PRDM6: variants seen among roughly 807,000 people sequenced by gnomAD.
The protein encoded by PRDM6 is PR/SET domain 6, also known as putative histone-lysine N-methyltransferase PRDM6.
PRDM6 carries 25 observed loss-of-function variants against 60.8 expected under a neutral mutation model. The ratio of observed to expected loss-of-function variants is 0.41; its 90% CI spans 0.30 to 0.57. PRDM6 has a LOEUF of 0.57. Among genes scored for constraint, PRDM6 ranks in the 20% least tolerant of loss-of-function variants. PRDM6 has a pLI of 0.27. For synonymous variants in PRDM6, 407 were observed against 357.4 expected (o/e 1.14, Z -1.57); for missense variants, 839 against 821.3 (o/e 1.02, Z -0.26).
intron 5 of PRDM6, 21 bp from the exon 6 acceptor site, chr5:123,170,745 A>C: frequency 1.3e-6 from 2 of 1,491,490 alleles, no homozygotes; most frequent in Non-Finnish European, 1.8e-6. Flanking sequence ...CTGTTCTTCT[A>C]AACTGTTGCT....
At chr5:123,093,035 G>A (rs1463172033) in intron 2 of PRDM6, among the ~76,000 whole-genome samples, 2 of 152,212 alleles carry the variant, frequency 1.3e-5, no homozygotes, top group African/African-American at 2.4e-5. Flanking sequence ...TCATTCTCGA[G>A]TTGTATGTGA....
intron 3 of PRDM6, among the ~76,000 whole-genome samples, chr5:123,131,073 AT>A (rs1292435880): frequency 2.0e-5 from 3 of 152,130 alleles, no homozygotes; most frequent in Non-Finnish European, 2.9e-5. Context: ...TACTTTTTTC[AT>A]TATATTAAAA....
intron 6 of PRDM6, among the ~76,000 whole-genome samples, chr5:123,179,064 G>A (rs966178020): frequency 4.6e-5 from 7 of 152,132 alleles, no homozygotes; most frequent in East Asian, 3.8e-4. Context: ...TCCTGTCAAG[G>A]AATGATATGA....
chr5:123,145,832 G>C (rs1765226076), intron 3 of PRDM6, among the ~76,000 whole-genome samples: 1 of 152,188 alleles, frequency 6.6e-6, no homozygotes, highest in South Asian at 2.1e-4. Flanking sequence ...GAATGTCGTA[G>C]ACTTAGGAAA....
intron 3 of PRDM6, among the ~76,000 whole-genome samples, chr5:123,124,206 T>C (rs1336934068): frequency 1.3e-5 from 2 of 152,218 alleles, no homozygotes; most frequent in Non-Finnish European, 2.9e-5. Flanking sequence ...CATATATGAC[T>C]GTTTATGTAG....
chr5:123,132,454 G>C (rs1764854673), intron 3 of PRDM6, among the ~76,000 whole-genome samples: 1 of 152,032 alleles, frequency 6.6e-6, no homozygotes, highest in African/African-American at 2.4e-5. Context: ...GAGAAGTTTT[G>C]AAATCTTGGA....
intron 2 of PRDM6, among the ~76,000 whole-genome samples, chr5:123,093,798 G>T (rs1349316949): frequency 6.6e-6 from 1 of 152,154 alleles, no homozygotes; most frequent in Non-Finnish European, 1.5e-5. Context: ...CACAGGGCGC[G>T]CCTGGCGTTT....
intron 3 of PRDM6, among the ~76,000 whole-genome samples, chr5:123,140,469 A>G (rs1033199680): frequency 3.3e-5 from 5 of 152,164 alleles, no homozygotes; most frequent in African/African-American, 1.2e-4. Context: ...CATCTTTGAA[A>G]GCAAAAATGT....
Position 123,170,852 on chromosome 5 carries a change from A to G in PRDM6, c.1240A>G (p.Thr414Ala). ...CAAAAGCAGCAAACTCGCCCCTACC[A>G]CCCAGCAGCGCTCCGTTGTTTTCCC... Reference protein sequence around the residue: ...FNKSSKLAPTTQQRSVVFPQT... With the variant: ...FNKSSKLAPTAQQRSVVFPQT... The change falls in exon 6 of 8, where the codon ACC (threonine) becomes GCC (alanine). Residue 414 changes from threonine to alanine, a missense_variant. Thr to Ala is a moderately conservative substitution (Grantham distance 58). Around this residue, in one of 2 missense-constraint regions of PRDM6, gnomAD observed 730 missense variants for 648.8 expected, o/e 1.13. Transcript: ENST00000407847. 6.4e-7 allele frequency: 1 copy of G among 1,552,138 alleles called. No homozygotes were observed. Among genetic ancestry groups the G allele is most frequent in the South Asian group, 1.2e-5 (1 of 84,038 alleles).
intron 5 of PRDM6, among the ~76,000 whole-genome samples, chr5:123,163,589 A>G (rs1186568236): frequency 2.6e-5 from 4 of 152,174 alleles, no homozygotes. Flanking sequence ...TAGAGCTCCA[A>G]AGAGAGTGCC....
chr5:123,108,759 A>G (rs1201164182), intron 3 of PRDM6, among the ~76,000 whole-genome samples: 1 of 152,174 alleles, frequency 6.6e-6, no homozygotes, highest in African/African-American at 2.4e-5. Context: ...AAGCAGTGGT[A>G]ACCATTGTTG....
chr5:123,096,785 A>C (rs1048831068), intron 2 of PRDM6, among the ~76,000 whole-genome samples: 1 of 152,256 alleles, frequency 6.6e-6, no homozygotes, highest in African/African-American at 2.4e-5. Flanking sequence ...TGAAACAATA[A>C]GTTGAAGACG....
At chr5:123,154,721 G>C (rs1038436346) in intron 3 of PRDM6, among the ~76,000 whole-genome samples, 11 of 152,122 alleles carry the variant, frequency 7.2e-5, no homozygotes, top group African/African-American at 2.7e-4. Flanking sequence ...TATTTGAAAA[G>C]GAAAATTGGA....
intron 6 of PRDM6, among the ~76,000 whole-genome samples, chr5:123,178,421 C>T (rs1177133601): frequency 6.6e-6 from 1 of 151,962 alleles, no homozygotes; most frequent in Non-Finnish European, 1.5e-5. Flanking sequence ...TTTCAGGAAC[C>T]CTTTCAAGTT....
intron 4 of PRDM6, among the ~76,000 whole-genome samples, chr5:123,156,919 T>C (rs1055185132): frequency 1.3e-5 from 2 of 152,298 alleles, no homozygotes; most frequent in African/African-American, 4.8e-5. Flanking sequence ...TATATAAATA[T>C]ATGACCTCAG....
intron 6 of PRDM6, among the ~76,000 whole-genome samples, chr5:123,179,665 T>C (rs1212286406): frequency 6.6e-6 from 1 of 151,674 alleles, no homozygotes; most frequent in African/African-American, 2.4e-5. Flanking sequence ...TCCTCAGTTT[T>C]CTGAACTAAC....
chr5:123,180,033 G>A (rs1766110747), intron 6 of PRDM6, 114 bp from the exon 7 acceptor site: 2 of 1,063,430 alleles, frequency 1.9e-6, no homozygotes, highest in Admixed American at 5.8e-5. Flanking sequence ...TCTATGCCCT[G>A]TCTTAGAAAC....
intron 6 of PRDM6, 59 bp from the exon 7 acceptor site, chr5:123,180,088 C>T: frequency 5.5e-6 from 8 of 1,443,808 alleles, no homozygotes; most frequent in Non-Finnish European, 5.5e-6. Flanking sequence ...TCATATGATT[C>T]TGACTTCCAC....
chr5:123,170,259 C>T (rs149225765), intron 5 of PRDM6, among the ~76,000 whole-genome samples: 1,558 of 152,252 alleles, frequency 0.01, 16 homozygotes, highest in African/African-American at 0.028. Context: ...AGGTGTCTTT[C>T]GTCTTGTTCC....
Sources: allele counts gnomAD v4.1 joint callset (sites outside exome capture counted in the v4.1 genomes callset), GRCh38; gene constraint gnomAD v4.1.1; regional missense constraint gnomAD v4.1.1; transcripts MANE v1.5; gene names NCBI Gene and HGNC (gene_info 2026-07-23, HGNC 2026-07-21).